Variants in SDC3 observed in about 807,000 individuals in gnomAD.
The protein encoded by SDC3 is syndecan-3.
SDC3 carries 13 observed loss-of-function variants against 24.4 expected under a neutral mutation model. The ratio of observed to expected loss-of-function variants is 0.53; its 90% CI spans 0.35 to 0.85. The LOEUF is 0.85. SDC3 is among the 40% of genes least tolerant of loss of function. The pLI is 0.01. For synonymous variants in SDC3, 295 were observed against 260.9 expected (o/e 1.13, Z -1.26); for missense variants, 571 against 584.5 (o/e 0.98, Z 0.24).
At chr1:30,901,421 A>T (rs1369496658) in intron 1 of SDC3, among the ~76,000 whole-genome samples, 1 of 152,236 alleles carries the variant, frequency 6.6e-6, no homozygotes, top group Non-Finnish European at 1.5e-5. Context: ...GAAAGCACCC[A>T]GTCTCACCAA....
At chr1:30,877,599 T>G (rs1056637012) in intron 2 of SDC3, 2 of 278,436 alleles carry the variant, frequency 7.2e-6, no homozygotes, top group Non-Finnish European at 1.4e-5. Context: ...CACTAAGGGC[T>G]TCCCCCAGAG....
intron 1 of SDC3, chr1:30,881,479 C>G (rs938472983): frequency 6.6e-6 from 1 of 152,592 alleles, no homozygotes; most frequent in Non-Finnish European, 1.5e-5. Flanking sequence ...CCTCACAACT[C>G]GGATACAACC....
chr1:30,908,376 GGCGGGGACCGGCACCCCGC>G (rs1638574004), intron 1 of SDC3, 54 bp downstream of exon 1: 11 of 918,854 alleles, frequency 1.2e-5, no homozygotes, highest in South Asian at 9.7e-5. Context: ...GGGGGTCGCG[GGCGGGGACCGGCACCCCGC>G]GCGGGGGGCG....
At chr1:30,900,914 A>T (rs905716388) in intron 1 of SDC3, among the ~76,000 whole-genome samples, 1 of 152,098 alleles carries the variant, frequency 6.6e-6, no homozygotes, top group Non-Finnish European at 1.5e-5. Flanking sequence ...AAGCAGCACC[A>T]GACAGCACCC....
upstream of SDC3, among the ~76,000 whole-genome samples, chr1:30,909,037 G>A (rs911169639): frequency 6.6e-6 from 1 of 152,124 alleles, no homozygotes; most frequent in African/African-American, 2.4e-5. Context: ...CGCCGTGCTA[G>A]GTAGAAGGGA....
At chr1:30,890,804 C>A (rs1639893082) in intron 1 of SDC3, among the ~76,000 whole-genome samples, 5 of 152,208 alleles carry the variant, frequency 3.3e-5, no homozygotes. Flanking sequence ...TGGCCCTGCT[C>A]ACCTCCTCTC....
chr1:30,888,971 T>C (rs1461819870), intron 1 of SDC3, among the ~76,000 whole-genome samples: 1 of 152,114 alleles, frequency 6.6e-6, no homozygotes, highest in African/African-American at 2.4e-5. Flanking sequence ...CAACCCAAGA[T>C]GAGGCTCTGT....
intron 1 of SDC3, among the ~76,000 whole-genome samples, chr1:30,895,031 G>A (rs1185753603): frequency 6.6e-6 from 1 of 152,052 alleles, no homozygotes; most frequent in African/African-American, 2.4e-5. Flanking sequence ...GCATGCATCT[G>A]AGCCTCCCAA....
At position 30,894,678 on chromosome 1, in the gene SDC3, CTGTGAGTGTGTGGGTGAGA is replaced by C. The variant is rs1557523638; in HGVS notation, c.138+13752_138+13770del. Among the ~76,000 whole-genome samples the C allele has an allele frequency of 2.0e-3, 59 of 28,952 alleles. 1 individual carries two copies. Among genetic ancestry groups the C allele is most frequent in the Non-Finnish European group, 7.7e-4 (9 of 11,686 alleles). The allele number at this position is 28,952 out of a possible 152,430, so 19.0% of individuals were successfully genotyped here. On this transcript the variant is annotated intron_variant, in intron 1 of 4. Transcript: ENST00000339394. ...TGTGTGGGTGAGTGTGTGTGGATGACTGTGAGTGTGTGGGTGAGAGTGTGTGGGTGTGTGTGGGGAGTGT... is the reference window on the plus strand; with the variant it reads ...TGTGTGGGTGAGTGTGTGTGGATGACGTGTGTGGGTGTGTGTGGGGAGTGT...
At chr1:30,888,451 C>A (rs1007166184) in intron 1 of SDC3, among the ~76,000 whole-genome samples, 1 of 152,232 alleles carries the variant, frequency 6.6e-6, no homozygotes, top group Non-Finnish European at 1.5e-5. Flanking sequence ...CTGAAGAGAA[C>A]CTGCTGGAGT....
intron 1 of SDC3, among the ~76,000 whole-genome samples, chr1:30,885,020 G>A (rs1238061879): frequency 6.6e-6 from 1 of 152,184 alleles, no homozygotes; most frequent in Non-Finnish European, 1.5e-5. Context: ...GAATATTGAA[G>A]GATGTAGGAA....
At chr1:30,900,948 A>T (rs1365305696) in intron 1 of SDC3, among the ~76,000 whole-genome samples, 1 of 152,108 alleles carries the variant, frequency 6.6e-6, no homozygotes, top group Non-Finnish European at 1.5e-5. Context: ...CCCATCCAAA[A>T]GCAGGATGAA....
At chr1:30,903,993 G>A (rs1638466040) in intron 1 of SDC3, among the ~76,000 whole-genome samples, 1 of 152,146 alleles carries the variant, frequency 6.6e-6, no homozygotes, top group Admixed American at 6.5e-5. Flanking sequence ...CGGGGGCCGA[G>A]GTGGGAAGAT....
chr1:30,892,293 A>G (rs947441373), intron 1 of SDC3, among the ~76,000 whole-genome samples: 3 of 152,088 alleles, frequency 2.0e-5, no homozygotes, highest in Non-Finnish European at 4.4e-5. Flanking sequence ...TCCACCAGGA[A>G]TAGCTCCCTG....
In SDC3 at chr1:30,905,757, A is replaced by G. The variant is rs77829823; in HGVS notation, c.138+2692T>C. On this transcript the variant is annotated intron_variant, in intron 1 of 4. Coordinates refer to ENST00000339394, the MANE Select transcript of SDC3 (RefSeq NM_014654.4). ...CTCCAAAACTTTGAGTGGTGACTTA[A>G]GTACAGTAGCTGAGGTGGCCTTAAA... is the stretch of plus-strand genomic sequence containing the variant. 5.6e-3 allele frequency among the ~76,000 whole-genome samples: 853 copies of G among 152,280 alleles called. 5 individuals carry two copies. Among genetic ancestry groups the G allele is most frequent in the East Asian group, 0.036 (184 of 5,176 alleles).
rs1247753245 is a variant in SDC3, at chr1:30,908,601, C to CGTGGGCGGCGGGCG, written c.-16_-15insCGCCCGCCGCCCAC. On this transcript the variant is annotated 5_prime_UTR_variant, in exon 1 of 5. Coordinates refer to ENST00000339394, the MANE Select transcript of SDC3 (RefSeq NM_014654.4). ...CCCGGCTTCATGGCGGCGGCGCGGG[C>CGTGGGCGGCGGGCG]GCGGGCGGCGGGCGGCGGGCGGGCG... 1 of 966,086 alleles carries CGTGGGCGGCGGGCG rather than the reference C, an allele frequency of 1.0e-6. No individual in the cohort carries two copies. The highest frequency in any genetic ancestry group is 1.8e-5 in the African/African-American group (1 of 55,300). The allele number at this position is 966,086 out of a possible 1,614,324, so 59.8% of individuals were successfully genotyped here.
chr1:30,881,662 A>G (rs1639747217), intron 1 of SDC3, among the ~76,000 whole-genome samples: 1 of 152,050 alleles, frequency 6.6e-6, no homozygotes, highest in African/African-American at 2.4e-5. Context: ...TTCCCAGGGC[A>G]CTCTAGAGAC....
chr1:30,871,016 CT>C lies in SDC3; in HGVS notation c.*2194del, dbSNP rs1383418083. Reference sequence around the variant, plus strand: ...CCCAGCCCTTCTGCTCCAAAGATGACTGAGGCCAACCCGCCCCCTCCAGATA... The same window carrying C: ...CCCAGCCCTTCTGCTCCAAAGATGACGAGGCCAACCCGCCCCCTCCAGATA... On this transcript the variant is annotated 3_prime_UTR_variant, in exon 5 of 5. Transcript: ENST00000339394. The C allele has an allele frequency of 6.6e-6, 1 of 152,442 alleles. No homozygotes were observed. Among genetic ancestry groups the C allele is most frequent in the Non-Finnish European group, 1.5e-5 (1 of 68,250 alleles). The allele number at this position is 152,442 out of a possible 1,614,324, so 9.4% of individuals were successfully genotyped here. A position where few individuals can be genotyped will look rare whatever the true frequency, so the allele number is the denominator to read the frequency against.
At chr1:30,898,682 G>A (rs1351681067) in intron 1 of SDC3, among the ~76,000 whole-genome samples, 2 of 152,144 alleles carry the variant, frequency 1.3e-5, no homozygotes, top group Non-Finnish European at 2.9e-5. Context: ...TCCCCACCCA[G>A]GCCAGCCGTC....
Sources: allele counts gnomAD v4.1 joint callset (sites outside exome capture counted in the v4.1 genomes callset), GRCh38; gene constraint gnomAD v4.1.1; transcripts MANE v1.5; gene names NCBI Gene and HGNC (gene_info 2026-07-23, HGNC 2026-07-21).